KCND2: variants seen among roughly 807,000 people sequenced by gnomAD.
The protein encoded by KCND2 is A-type voltage-gated potassium channel KCND2.
Under a neutral mutation model 54.4 loss-of-function variants are expected in KCND2, and 16 were observed. The ratio of observed to expected loss-of-function variants is 0.29; its 90% CI spans 0.20 to 0.45. The LOEUF (loss-of-function observed/expected upper bound fraction) is 0.45, where lower values mean the gene tolerates loss of function less well. KCND2 is among the 20% of genes least tolerant of loss of function. The probability of loss-of-function intolerance (pLI) is 1.00; values close to 1 mark genes in which losing one functional copy is unlikely to be tolerated. For missense variants in KCND2, 486 were observed against 824.2 expected, an observed-to-expected ratio of 0.59 and a Z score of 5.02; for synonymous variants, 317 against 310.7, an observed-to-expected ratio of 1.02 and a Z score of -0.21.
chr7:120,624,950 A>G (rs1429498912), intron 1 of KCND2, among the ~76,000 whole-genome samples: 2 of 152,218 alleles, frequency 1.3e-5, no homozygotes, highest in Non-Finnish European at 2.9e-5. Context: ...AAAAGAATTG[A>G]CATAAATTTT....
intron 1 of KCND2, among the ~76,000 whole-genome samples, chr7:120,448,267 A>C (rs550962172): frequency 2.0e-5 from 3 of 150,978 alleles, no homozygotes; most frequent in East Asian, 3.9e-4. Flanking sequence ...CCCATTAATG[A>C]GAACATGCAG....
chr7:120,682,417 A>G (rs1792150951), intron 1 of KCND2, among the ~76,000 whole-genome samples: 1 of 152,100 alleles, frequency 6.6e-6, no homozygotes, highest in Non-Finnish European at 1.5e-5. Flanking sequence ...AAAAGCCAGG[A>G]CTAGTAATTC....
intron 1 of KCND2, among the ~76,000 whole-genome samples, chr7:120,692,770 A>G (rs1240292487): frequency 6.6e-6 from 1 of 152,168 alleles, no homozygotes; most frequent in Non-Finnish European, 1.5e-5. Flanking sequence ...GGCCTGGGAG[A>G]GGATTCAGCC....
In KCND2 at chr7:120,414,766, T is replaced by G. The variant is rs13241484; in HGVS notation, c.1115+139019T>G. On this transcript the variant is annotated intron_variant, in intron 1 of 5. Transcript: ENST00000331113. ...TTGTCATCGGCCTCTCTTCATCCCT[T>G]AGTTTGATTGTTGAAATATCCACAT... is the stretch of plus-strand genomic sequence containing the variant. Among the ~76,000 whole-genome samples, 1,450 of 152,256 alleles carry G rather than the reference T, an allele frequency of 9.5e-3. 8 individuals are homozygous for G. The highest frequency in any genetic ancestry group is 0.014 in the Non-Finnish European group (984 of 67,996).
chr7:120,461,973 A>C lies in KCND2; in HGVS notation c.1115+186226A>C, dbSNP rs553551943. On this transcript the variant is annotated intron_variant, in intron 1 of 5. Transcript: ENST00000331113. ...AAATTATTTTCATCAATATACATGG[A>C]GATTAAGGCACTTAGATATAAGAAA... 1.0e-3 allele frequency among the ~76,000 whole-genome samples: 152 copies of C among 152,262 alleles called. 2 individuals are homozygous for C. Among genetic ancestry groups the C allele is most frequent in the Non-Finnish European group, 4.9e-4 (33 of 67,974 alleles).
intron 1 of KCND2, among the ~76,000 whole-genome samples, chr7:120,352,014 G>T (rs942958550): frequency 4.6e-5 from 7 of 152,058 alleles, no homozygotes; most frequent in African/African-American, 1.7e-4. Context: ...GTTTCACCAT[G>T]TTGGCCAGGA....
chr7:120,740,370 T>G (rs1231370617), intron 2 of KCND2, among the ~76,000 whole-genome samples: 1 of 152,054 alleles, frequency 6.6e-6, no homozygotes, highest in Non-Finnish European at 1.5e-5. Context: ...TTCCAGGACT[T>G]GAGACTAAAG....
At chr7:120,449,472 AAGAC>A (rs1201855813) in intron 1 of KCND2, among the ~76,000 whole-genome samples, 1 of 152,230 alleles carries the variant, frequency 6.6e-6, no homozygotes, top group Admixed American at 6.5e-5. Flanking sequence ...AGATCTATGT[AAGAC>A]AGAGTAATCT....
intron 1 of KCND2, among the ~76,000 whole-genome samples, chr7:120,342,848 C>T (rs1340625297): frequency 2.6e-5 from 4 of 151,928 alleles, no homozygotes; most frequent in Admixed American, 6.6e-5. Context: ...ATTGTAGTTG[C>T]TTATAGAGAG....
intron 1 of KCND2, among the ~76,000 whole-genome samples, chr7:120,427,496 C>T (rs1329439828): frequency 2.6e-5 from 4 of 152,100 alleles, no homozygotes; most frequent in Non-Finnish European, 4.4e-5. Context: ...GAAGAATGGC[C>T]ATAAAAGCTG....
chr7:120,736,562 AC>A (rs1259037252), intron 2 of KCND2, among the ~76,000 whole-genome samples: 1 of 152,018 alleles, frequency 6.6e-6, no homozygotes, highest in African/African-American at 2.4e-5. Context: ...GGATCACATC[AC>A]CTAATCATCT....
At chr7:120,724,909 T>C (rs1321423380) in intron 1 of KCND2, among the ~76,000 whole-genome samples, 1 of 152,192 alleles carries the variant, frequency 6.6e-6, no homozygotes, top group Non-Finnish European at 1.5e-5. Context: ...AAGGCATATT[T>C]TGAACATAAA....
intron 1 of KCND2, among the ~76,000 whole-genome samples, chr7:120,664,628 A>T (rs940821290): frequency 6.6e-6 from 1 of 152,096 alleles, no homozygotes; most frequent in Non-Finnish European, 1.5e-5. Context: ...AGATAGTTTT[A>T]TGTTATAGGT....
At chr7:120,390,094 CTA>C (rs1253916317) in intron 1 of KCND2, among the ~76,000 whole-genome samples, 2 of 151,828 alleles carry the variant, frequency 1.3e-5, no homozygotes, top group Non-Finnish European at 2.9e-5. Context: ...ATTAAATACT[CTA>C]TTTTTTACTA....
chr7:120,379,177 A>G (rs1800880055), intron 1 of KCND2, among the ~76,000 whole-genome samples: 1 of 152,054 alleles, frequency 6.6e-6, no homozygotes, highest in Admixed American at 6.6e-5. Flanking sequence ...TGTACCATGG[A>G]ATTTCCAAAC....
intron 1 of KCND2, among the ~76,000 whole-genome samples, chr7:120,473,701 A>G (rs1802493214): frequency 6.6e-6 from 1 of 152,234 alleles, no homozygotes; most frequent in Non-Finnish European, 1.5e-5. Flanking sequence ...CAAATAAAAT[A>G]AACTTTTAAT....
At chr7:120,558,215 T>G (rs1338771445) in intron 1 of KCND2, among the ~76,000 whole-genome samples, 1 of 152,174 alleles carries the variant, frequency 6.6e-6, no homozygotes, top group South Asian at 2.1e-4. Context: ...GATCTGATTC[T>G]TATAAGGTAA....
At chr7:120,328,808 ATTC>A (rs1263089115) in intron 1 of KCND2, among the ~76,000 whole-genome samples, 4 of 152,136 alleles carry the variant, frequency 2.6e-5, no homozygotes, top group African/African-American at 9.7e-5. Flanking sequence ...TTAGTTATAT[ATTC>A]TTGATTGTGT....
chr7:120,351,244 G>GTATATATATATATATA lies in KCND2; in HGVS notation c.1115+75505_1115+75520dup, dbSNP rs3067025. The stretch of plus-strand genomic sequence containing the variant: ...CATCATATTATATATTTATATGTGT[G>GTATATATATATATATA]TATATATATATATATATATATATCC... On this transcript the variant is annotated intron_variant, in intron 1 of 5. Coordinates refer to ENST00000331113, the MANE Select transcript of KCND2 (RefSeq NM_012281.3). Among the ~76,000 whole-genome samples, 204 of 137,326 alleles carry GTATATATATATATATA rather than the reference G, an allele frequency of 1.5e-3. 2 individuals are homozygous for GTATATATATATATATA. The highest frequency in any genetic ancestry group is 5.4e-3 in the African/African-American group (197 of 36,796). 90.1% of individuals were successfully genotyped at this position (137,326 alleles called of 152,430 possible). A position where few individuals can be genotyped will look rare whatever the true frequency, so the allele number is the denominator to read the frequency against.
Sources: gnomAD v4.1 joint callset for allele counts (sites outside exome capture counted in the v4.1 genomes callset) on GRCh38, gnomAD v4.1.1 for gene constraint, MANE v1.5 for transcripts, NCBI Gene and HGNC (gene_info 2026-07-23, HGNC 2026-07-21) for gene names.